Variants in TAB2 observed in about 807,000 individuals in gnomAD.
The protein encoded by TAB2 is TGF-beta-activated kinase 1 and MAP3K7-binding protein 2.
In TAB2, 3 loss-of-function variants were observed where a neutral mutation model predicts 65.0. The ratio of observed to expected loss-of-function variants is 0.05; its 90% CI spans 0.02 to 0.12. TAB2 has a LOEUF of 0.12. Among genes scored for constraint, TAB2 ranks in the 10% least tolerant of loss-of-function variants. The pLI is 1.00. For synonymous variants in TAB2, 298 were observed against 285.1 expected (o/e 1.05, Z -0.46); for missense variants, 623 against 840.3 (o/e 0.74, Z 3.20).
chr6:149,250,784 CCTTTG>C (rs1777843012), intron 1 of TAB2, among the ~76,000 whole-genome samples: 1 of 152,160 alleles, frequency 6.6e-6, no homozygotes, highest in South Asian at 2.1e-4. Context: ...CCTTTCCTTT[CCTTTG>C]CTTTGCTTCA....
chr6:149,409,732 T>C lies in TAB2; in HGVS notation c.*13T>C. On this transcript the variant is annotated 3_prime_UTR_variant, in exon 7 of 7. Coordinates refer to ENST00000637181, the MANE Select transcript of TAB2 (RefSeq NM_001292034.3). ...AAGGCATTTCTGAGCCAAATGGCCC[T>C]GTATCTTCTCTAAAACCACATCTAA... is the stretch of plus-strand genomic sequence containing the variant. 1 of 1,614,042 alleles carries C rather than the reference T, an allele frequency of 6.2e-7. No individual in the cohort carries two copies. Among genetic ancestry groups the C allele is most frequent in the Non-Finnish European group, 8.5e-7 (1 of 1,179,900 alleles).
At chr6:149,244,554 A>C (rs571474024) in intron 1 of TAB2, 1 of 152,480 alleles carries the variant, frequency 6.6e-6, no homozygotes, top group Non-Finnish European at 1.5e-5. Context: ...GAGCAAGCAT[A>C]CAGGAAGATA....
At chr6:149,316,048 T>C (rs1451630719), upstream of TAB2, among the ~76,000 whole-genome samples, 1 of 152,244 alleles carries the variant, frequency 6.6e-6, no homozygotes, top group Admixed American at 6.5e-5. Flanking sequence ...GGATTCAGTT[T>C]ATCTAAAATT....
intron 1 of TAB2, among the ~76,000 whole-genome samples, chr6:149,350,711 C>T (rs1436882562): frequency 1.3e-5 from 2 of 148,268 alleles, no homozygotes; most frequent in Admixed American, 6.8e-5. Flanking sequence ...AACTCCTGGG[C>T]TCAATGGATC....
At chr6:149,362,270 G>A (rs1780876510) in intron 1 of TAB2, among the ~76,000 whole-genome samples, 1 of 152,218 alleles carries the variant, frequency 6.6e-6, no homozygotes, top group Non-Finnish European at 1.5e-5. Context: ...TCGGCTCATG[G>A]TTCTGCAGGC....
chr6:149,398,600 C>A (rs1782255770), intron 5 of TAB2, among the ~76,000 whole-genome samples: 1 of 151,978 alleles, frequency 6.6e-6, no homozygotes, highest in Admixed American at 6.6e-5. Flanking sequence ...TTTAAACATT[C>A]ATAGAAAAAT....
Position 149,379,098 on chromosome 6 carries a change from A to G in TAB2, c.1183A>G (p.Thr395Ala), listed in dbSNP as rs1441177664. ...PKVYISANAA[T>A]GDEQVMRNQP... The stretch of plus-strand genomic sequence containing the variant: ...GGTCTATATTTCAGCGAATGCTGCC[A>G]CAGGAGATGAACAGGTCATGCGGAA... The change falls in exon 3 of 7, where the codon ACA (threonine) becomes GCA (alanine). Residue 395 changes from threonine to alanine, a missense_variant. By Grantham distance (58) the Thr-to-Ala change is moderately conservative. Around this residue, in one of 3 missense-constraint regions of TAB2, gnomAD observed 550 missense variants for 665.7 expected, o/e 0.83. Transcript: ENST00000637181. 5.6e-6 allele frequency: 9 copies of G among 1,614,006 alleles called. No individual in the cohort carries two copies. The highest frequency in any genetic ancestry group is 7.6e-6 in the Non-Finnish European group (9 of 1,180,040).
chr6:149,364,960 A>C (rs1350524714), intron 1 of TAB2, among the ~76,000 whole-genome samples: 1 of 152,068 alleles, frequency 6.6e-6, no homozygotes, highest in Non-Finnish European at 1.5e-5. Context: ...AATTGTTTAC[A>C]TAATCTTTAA....
chr6:149,326,710 G>T (rs1779632207), intron 1 of TAB2, among the ~76,000 whole-genome samples: 1 of 152,018 alleles, frequency 6.6e-6, no homozygotes, highest in African/African-American at 2.4e-5. Context: ...ACCCTGCCTG[G>T]CTAATTTTTG....
intron 1 of TAB2, among the ~76,000 whole-genome samples, chr6:149,341,872 T>C (rs1005688995): frequency 3.9e-5 from 6 of 152,114 alleles, no homozygotes; most frequent in Non-Finnish European, 7.4e-5. Flanking sequence ...GTGGGATTAG[T>C]TTCTTAGGGA....
rs553514463 is a variant in TAB2, at chr6:149,343,748, A to C, written c.-90+25733A>C. Among the ~76,000 whole-genome samples, 31 of 152,294 alleles carry C rather than the reference A, an allele frequency of 2.0e-4. 1 individual carries two copies. Among genetic ancestry groups the C allele is most frequent in the African/African-American group, 7.2e-4 (30 of 41,578 alleles). On this transcript the variant is annotated intron_variant, in intron 1 of 6. Transcript: ENST00000637181. ...CTTAGATTTTAACCAAGAGAAAGCT[A>C]CTCATGAATGGTTAGAGGGCCAAGA...
At chr6:149,313,630 T>A (rs1375415999), upstream of TAB2, among the ~76,000 whole-genome samples, 2 of 152,222 alleles carry the variant, frequency 1.3e-5, no homozygotes, top group African/African-American at 4.8e-5. Flanking sequence ...AACTGAGGAC[T>A]ATTACAAAAA....
upstream of TAB2, among the ~76,000 whole-genome samples, chr6:149,316,981 C>G (rs1583081451): frequency 6.6e-6 from 1 of 151,274 alleles, no homozygotes; most frequent in East Asian, 1.9e-4. Context: ...CCGCAGCGAC[C>G]CGGCGCCAGC....
At chr6:149,298,236 A>G (rs1368289042) in intron 1 of TAB2, among the ~76,000 whole-genome samples, 1 of 152,222 alleles carries the variant, frequency 6.6e-6, no homozygotes, top group African/African-American at 2.4e-5. Context: ...ATTCCTCAGA[A>G]TGGCATCTTT....
Position 149,339,135 on chromosome 6 carries a change from A to G in TAB2, c.-90+21120A>G, listed in dbSNP as rs936797004. 1.1e-4 allele frequency among the ~76,000 whole-genome samples: 16 copies of G among 152,226 alleles called. No homozygotes were observed. The South Asian group carries it at 2.9e-3, about 28-fold the overall frequency. On this transcript the variant is annotated intron_variant, in intron 1 of 6. Coordinates refer to ENST00000637181, the MANE Select transcript of TAB2 (RefSeq NM_001292034.3). ...AATCCCAGCCCTTTGGGAGGCCGAGACGGGCGGATCATGAGATAAGGAGAT... is the reference window on the plus strand; with the variant it reads ...AATCCCAGCCCTTTGGGAGGCCGAGGCGGGCGGATCATGAGATAAGGAGAT...
At chr6:149,248,803 T>C (rs947866753) in intron 1 of TAB2, among the ~76,000 whole-genome samples, 5 of 152,166 alleles carry the variant, frequency 3.3e-5, no homozygotes, top group African/African-American at 9.7e-5. Context: ...GGGCCTGTTT[T>C]GTGAGCTGTG....
chr6:149,297,177 A>G (rs1047073652), intron 1 of TAB2, among the ~76,000 whole-genome samples: 2 of 151,958 alleles, frequency 1.3e-5, no homozygotes, highest in Non-Finnish European at 2.9e-5. Context: ...TGACAGTTCA[A>G]CCCAATACTT....
intron 1 of TAB2, among the ~76,000 whole-genome samples, chr6:149,318,974 A>G (rs906584593): frequency 9.2e-5 from 14 of 152,198 alleles, no homozygotes; most frequent in Non-Finnish European, 1.9e-4. Context: ...CACGAAATTT[A>G]GGCCCCCAGT....
intron 1 of TAB2, among the ~76,000 whole-genome samples, chr6:149,327,625 C>T (rs1779658350): frequency 1.3e-5 from 2 of 152,128 alleles, no homozygotes; most frequent in Non-Finnish European, 2.9e-5. Flanking sequence ...CCAAGGGATC[C>T]GTGTCAAATA....
Sources: gnomAD v4.1 joint callset for allele counts (sites outside exome capture counted in the v4.1 genomes callset) on GRCh38, gnomAD v4.1.1 for gene constraint, gnomAD v4.1.1 regional missense constraint, MANE v1.5 for transcripts, NCBI Gene and HGNC (gene_info 2026-07-23, HGNC 2026-07-21) for gene names.